Variants in ANKS1B observed in about 807,000 individuals in gnomAD.
ANKS1B encodes the protein ankyrin repeat and sterile alpha motif domain-containing protein 1B.
ANKS1B carries 36 observed loss-of-function variants against 148.3 expected under a neutral mutation model. That is an observed-to-expected ratio of 0.24 (90% CI 0.19 to 0.32). The LOEUF is 0.32. Among genes scored for constraint, ANKS1B ranks in the 10% least tolerant of loss-of-function variants. The pLI is 1.00. For synonymous variants in ANKS1B, 542 were observed against 560.8 expected, an observed-to-expected ratio of 0.97 and a Z score of 0.47; for missense variants, 1,157 against 1,542.6, an observed-to-expected ratio of 0.75 and a Z score of 4.19.
chr12:99,977,616 T>TAA (rs1382691112), intron 1 of ANKS1B, among the ~76,000 whole-genome samples: 2 of 152,234 alleles, frequency 1.3e-5, no homozygotes, highest in Non-Finnish European at 2.9e-5. Context: ...AACACAAATG[T>TAA]AAAATGTATT....
At chr12:98,948,946 A>ATTTTTTTTTTTTTTTTTTTTT (rs1567958669) in intron 17 of ANKS1B, among the ~76,000 whole-genome samples, 2 of 89,178 alleles carry the variant, frequency 2.2e-5, no homozygotes, top group African/African-American at 8.1e-5. Context: ...AGCATGAGCT[A>ATTTTTTTTTTTTTTTTTTTTT]CTTTTTTTTT....
chr12:99,929,024 A>G (rs1366097389), intron 1 of ANKS1B, among the ~76,000 whole-genome samples: 6 of 152,108 alleles, frequency 3.9e-5, no homozygotes, highest in Non-Finnish European at 5.9e-5. Context: ...GAAAGGTTAG[A>G]TTTTTCTGTT....
At chr12:99,185,080 A>T (rs1281780849) in intron 14 of ANKS1B, among the ~76,000 whole-genome samples, 1 of 152,254 alleles carries the variant, frequency 6.6e-6, no homozygotes, top group East Asian at 1.9e-4. Flanking sequence ...TTGTGAACTG[A>T]CACTTTTGGT....
chr12:99,810,414 A>G (rs1002827714), intron 3 of ANKS1B, among the ~76,000 whole-genome samples: 7 of 152,066 alleles, frequency 4.6e-5, no homozygotes, highest in African/African-American at 1.4e-4. Flanking sequence ...AAAGAAAGCT[A>G]AAATTAAAAG....
intron 17 of ANKS1B, among the ~76,000 whole-genome samples, chr12:98,847,578 G>T (rs1467078172): frequency 7.1e-6 from 1 of 139,952 alleles, no homozygotes; most frequent in Non-Finnish European, 1.5e-5. Context: ...GGGAGTGCAG[G>T]TATCTCCTCA....
intron 14 of ANKS1B, among the ~76,000 whole-genome samples, chr12:99,163,971 C>G (rs916504240): frequency 2.0e-5 from 3 of 152,078 alleles, no homozygotes. Flanking sequence ...TTTATGTAGT[C>G]ATTCTGATAG....
chr12:98,983,794 T>G (rs995331992), intron 17 of ANKS1B, among the ~76,000 whole-genome samples: 1 of 152,200 alleles, frequency 6.6e-6, no homozygotes, highest in Non-Finnish European at 1.5e-5. Context: ...GCAAAACTGG[T>G]TGGGAAAACT....
rs371622025 is a variant in ANKS1B, at chr12:99,689,300, C to T, written c.1129-34090G>A. The stretch of plus-strand genomic sequence containing the variant: ...AAGAAGATCTCTTTTAAGATGAAAC[C>T]AGGCTAACAATTAGAGCCAGCCATG... On this transcript the variant is annotated intron_variant, in intron 8 of 26. Transcript: ENST00000683438. Among the ~76,000 whole-genome samples the T allele has an allele frequency of 5.3e-5, 8 of 152,020 alleles. No homozygotes were observed. The East Asian group carries it at 1.5e-3, about 29-fold the overall frequency.
At chr12:98,878,439 A>C (rs1179812857) in intron 17 of ANKS1B, among the ~76,000 whole-genome samples, 1 of 152,178 alleles carries the variant, frequency 6.6e-6, no homozygotes, top group Admixed American at 6.5e-5. Flanking sequence ...AAAAGTCAAT[A>C]CGGGGTTGTT....
At chr12:99,676,242 C>T (rs577795064) in intron 8 of ANKS1B, among the ~76,000 whole-genome samples, 1 of 152,284 alleles carries the variant, frequency 6.6e-6, no homozygotes, top group African/African-American at 2.4e-5. Flanking sequence ...AACCTCTTTT[C>T]ATCATAAACT....
At chr12:98,995,106 C>A (rs1405704558) in intron 17 of ANKS1B, among the ~76,000 whole-genome samples, 2 of 152,104 alleles carry the variant, frequency 1.3e-5, no homozygotes, top group Non-Finnish European at 2.9e-5. Context: ...AAAAATATTT[C>A]TTGAGTAAAA....
Position 98,916,881 on chromosome 12 carries a change from A to G in ANKS1B, c.2779-84745T>C, listed in dbSNP as rs144276250. ...ATCAGATCCCCAATAATAAGAGCAA[A>G]CATTTATGTGTCTTTATTATATATA... On this transcript the variant is annotated intron_variant, in intron 17 of 26. Transcript: ENST00000683438. 4.1e-3 allele frequency among the ~76,000 whole-genome samples: 622 copies of G among 152,310 alleles called. 5 individuals are homozygous for G. Among genetic ancestry groups the G allele is most frequent in the African/African-American group, 0.014 (592 of 41,560 alleles).
At chr12:99,644,046 C>G (rs754802595) in intron 9 of ANKS1B, among the ~76,000 whole-genome samples, 2 of 152,176 alleles carry the variant, frequency 1.3e-5, no homozygotes, top group African/African-American at 4.8e-5. Flanking sequence ...CACAATTTAT[C>G]TCTTTCCTCC....
intron 2 of ANKS1B, among the ~76,000 whole-genome samples, chr12:99,821,116 G>C (rs1395575035): frequency 6.6e-6 from 1 of 151,912 alleles, no homozygotes; most frequent in Non-Finnish European, 1.5e-5. Context: ...TACCAACACA[G>C]TGTATCATTC....
chr12:99,896,490 T>C (rs1178769741), intron 1 of ANKS1B, among the ~76,000 whole-genome samples: 1 of 151,346 alleles, frequency 6.6e-6, no homozygotes, highest in East Asian at 1.9e-4. Context: ...TCTTTATCCA[T>C]TCATCTATCA....
chr12:99,004,167 T>C (rs956504804), intron 17 of ANKS1B, among the ~76,000 whole-genome samples: 1 of 152,162 alleles, frequency 6.6e-6, no homozygotes, highest in Non-Finnish European at 1.5e-5. Flanking sequence ...AGCCATGGAA[T>C]GAACACTAGG....
At chr12:99,365,769 A>G (rs17029285) in intron 12 of ANKS1B, among the ~76,000 whole-genome samples, 5,974 of 152,192 alleles carry the variant, frequency 0.039, 369 homozygotes, top group African/African-American at 0.13. Flanking sequence ...GGCGGTCTCT[A>G]TCAGGTACCT....
intron 25 of ANKS1B, among the ~76,000 whole-genome samples, chr12:98,758,482 C>CA (rs2098317191): frequency 6.6e-6 from 1 of 152,196 alleles, no homozygotes; most frequent in Non-Finnish European, 1.5e-5. Context: ...CCTACTGGCC[C>CA]ATTGCCTGGG....
chr12:99,634,870 T>C (rs564938999), intron 9 of ANKS1B, among the ~76,000 whole-genome samples: 1 of 152,290 alleles, frequency 6.6e-6, no homozygotes, highest in Non-Finnish European at 1.5e-5. Context: ...TTAAATCACG[T>C]ATATAAAGTG....
Sources: allele counts gnomAD v4.1 joint callset (sites outside exome capture counted in the v4.1 genomes callset), GRCh38; gene constraint gnomAD v4.1.1; transcripts MANE v1.5; gene names NCBI Gene and HGNC (gene_info 2026-07-23, HGNC 2026-07-21).